Variants in ESF1 observed in about 807,000 individuals in gnomAD.
ESF1 encodes the protein ESF1 homolog.
Under a neutral mutation model 92.0 loss-of-function variants are expected in ESF1, and 58 were observed. The ratio of observed to expected loss-of-function variants is 0.63; its 90% CI spans 0.51 to 0.78. The LOEUF is 0.78. ESF1 is among the 30% of genes least tolerant of loss of function. The probability of loss-of-function intolerance (pLI) is 0.00; values close to 1 mark genes in which losing one functional copy is unlikely to be tolerated. For synonymous variants in ESF1, 321 were observed against 313.7 expected (o/e 1.02, Z -0.24); for missense variants, 922 against 989.1 (o/e 0.93, Z 0.91).
chr20:13,771,310 G>C, intron 6 of ESF1, 21 bp downstream of exon 6: 1 of 1,594,926 alleles, frequency 6.3e-7, no homozygotes, highest in Non-Finnish European at 8.6e-7. Flanking sequence ...GATTAAATTG[G>C]TAATACATAC....
At chr20:13,748,497 C>CAT (rs1555823520) in intron 9 of ESF1, among the ~76,000 whole-genome samples, 2,031 of 137,358 alleles carry the variant, frequency 0.015, 41 homozygotes, top group African/African-American at 0.035. Context: ...CATATATATA[C>CAT]ATATATACAC....
At chr20:13,754,199 C>T (rs911932901) in intron 9 of ESF1, among the ~76,000 whole-genome samples, 5 of 152,220 alleles carry the variant, frequency 3.3e-5, no homozygotes, top group African/African-American at 9.6e-5. Context: ...GAGCTTCACA[C>T]TGCTAAATCC....
chr20:13,720,709 A>G (rs1241867828), intron 11 of ESF1, among the ~76,000 whole-genome samples: 1 of 152,230 alleles, frequency 6.6e-6, no homozygotes, highest in African/African-American at 2.4e-5. Context: ...TTTATGATAT[A>G]CCATAAAAGT....
chr20:13,775,028 C>T lies in ESF1; in HGVS notation c.1149+129G>A, dbSNP rs995822277. On this transcript the variant is annotated intron_variant, in intron 4 of 13. Coordinates refer to ENST00000617257, the MANE Select transcript of ESF1 (RefSeq NM_001276380.2). ...TTATACCTGTTACATAAGTTTCACA[C>T]TCAATTGGATTGGACAACTTCCACA... is the stretch of plus-strand genomic sequence containing the variant. The T allele has an allele frequency of 1.7e-5, 10 of 587,140 alleles. No homozygotes were observed. In the Admixed American group the frequency reaches 2.3e-4, roughly 14 times the overall value. 36.4% of individuals were successfully genotyped at this position (587,140 alleles called of 1,614,324 possible). A position where few individuals can be genotyped will look rare whatever the true frequency, so the allele number is the denominator to read the frequency against.
intron 10 of ESF1, among the ~76,000 whole-genome samples, chr20:13,729,665 T>C (rs2049928635): frequency 6.6e-6 from 1 of 152,212 alleles, no homozygotes; most frequent in Non-Finnish European, 1.5e-5. Context: ...ATTTTTATTA[T>C]GAAAATCTAA....
At chr20:13,783,400 T>C (rs1268972967) in intron 1 of ESF1, among the ~76,000 whole-genome samples, 1 of 152,238 alleles carries the variant, frequency 6.6e-6, no homozygotes, top group Non-Finnish European at 1.5e-5. Flanking sequence ...ACAGATCATT[T>C]AGAGAAATAA....
At chr20:13,764,623 C>A (rs1338348415) in intron 8 of ESF1, among the ~76,000 whole-genome samples, 1 of 152,094 alleles carries the variant, frequency 6.6e-6, no homozygotes, top group East Asian at 1.9e-4. Flanking sequence ...ATGTATTATA[C>A]ACTGTATTCT....
chr20:13,734,479 A>G (rs1210403221), intron 9 of ESF1, among the ~76,000 whole-genome samples: 2 of 152,172 alleles, frequency 1.3e-5, no homozygotes, highest in African/African-American at 4.8e-5. Flanking sequence ...AGCTCTTTCA[A>G]TGCTGCTATT....
At position 13,745,870 on chromosome 20, in the gene ESF1, A is replaced by T. The variant is rs574297181; in HGVS notation, c.1829-12028T>A. On this transcript the variant is annotated intron_variant, in intron 9 of 13. Coordinates refer to ENST00000617257, the MANE Select transcript of ESF1 (RefSeq NM_001276380.2). ...TAGGAATAGATGTATCTGCGGTAAAACTATATAGAAAAGAAAAAGAATGAC... is the reference window on the plus strand; with the variant it reads ...TAGGAATAGATGTATCTGCGGTAAATCTATATAGAAAAGAAAAAGAATGAC... Among the ~76,000 whole-genome samples, 3 of 152,232 alleles carry T rather than the reference A, an allele frequency of 2.0e-5. No individual in the cohort carries two copies. In the South Asian group the frequency reaches 6.2e-4, roughly 32 times the overall value.
intron 9 of ESF1, among the ~76,000 whole-genome samples, chr20:13,743,689 A>C (rs2050029958): frequency 6.6e-6 from 1 of 152,198 alleles, no homozygotes; most frequent in East Asian, 1.9e-4. Flanking sequence ...ACTCAGAAGC[A>C]AAGAGTAAAA....
chr20:13,738,049 G>A (rs2049986917), intron 9 of ESF1, among the ~76,000 whole-genome samples: 1 of 152,158 alleles, frequency 6.6e-6, no homozygotes. Context: ...CCACCCCAAT[G>A]GTGTAGGGAG....
At chr20:13,753,570 C>G (rs1978737816) in intron 9 of ESF1, among the ~76,000 whole-genome samples, 1 of 151,846 alleles carries the variant, frequency 6.6e-6, no homozygotes, top group Admixed American at 6.6e-5. Context: ...CCACTCTTTC[C>G]AATACTCCTG....
Position 13,738,758 on chromosome 20 carries a change from C to CAT in ESF1, c.1829-4918_1829-4917dup, listed in dbSNP as rs533480087. 9.0e-4 allele frequency among the ~76,000 whole-genome samples: 137 copies of CAT among 152,272 alleles called. 1 individual carries two copies. The highest frequency in any genetic ancestry group is 1.2e-3 in the Non-Finnish European group (83 of 68,022). ...TTGCAAGCTCCATGAGGGCAAAGGT[C>CAT]ATAGCCTGTTTTTCTCTTGCTGGTA... On this transcript the variant is annotated intron_variant, in intron 9 of 13. Coordinates refer to ENST00000617257, the MANE Select transcript of ESF1 (RefSeq NM_001276380.2).
Position 13,716,098 on chromosome 20 carries a change from T to G in ESF1, c.2263-931A>C, listed in dbSNP as rs907366598. ...GCCCCCAAATCCTTCTATATGCTAC[T>G]TAGAAGCCATCTGTATGCTACCCTC... On this transcript the variant is annotated intron_variant, in intron 13 of 13. Coordinates refer to ENST00000617257, the MANE Select transcript of ESF1 (RefSeq NM_001276380.2). 2.8e-4 allele frequency among the ~76,000 whole-genome samples: 43 copies of G among 152,312 alleles called. No homozygotes were observed. The Middle Eastern group carries it at 0.01, about 36-fold the overall frequency.
chr20:13,759,788 G>T lies in ESF1; in HGVS notation c.1732C>A (p.Gln578Lys). The T allele has an allele frequency of 6.3e-7, 1 of 1,589,076 alleles. No individual in the cohort carries two copies. The highest frequency in any genetic ancestry group is 1.8e-5 in the Admixed American group (1 of 54,168). ...TKKSQKDDEEQIAKYRQLLQV... is the reference protein window; with the variant it reads ...TKKSQKDDEEKIAKYRQLLQV... ...AAGAGCTGCCTGTATTTAGCAATTT[G>T]TTCTTCATCATCCTTCTGACTTTTC... The change falls in exon 9 of 14, where the codon CAA becomes AAA. Residue 578 changes from glutamine (Q) to lysine (K), a missense_variant. Gln to Lys is a moderately conservative substitution (Grantham distance 53). Coordinates refer to ENST00000617257, the MANE Select transcript of ESF1 (RefSeq NM_001276380.2).
chr20:13,723,361 T>C (rs1236033906), intron 11 of ESF1, among the ~76,000 whole-genome samples: 1 of 152,056 alleles, frequency 6.6e-6, no homozygotes. Flanking sequence ...TACCACATTC[T>C]GGTGCTGCTT....
At chr20:13,775,383 T>C in intron 3 of ESF1, 113 bp from the exon 4 acceptor site, 1 of 640,258 alleles carries the variant, frequency 1.6e-6, no homozygotes, top group Admixed American at 3.0e-5. Flanking sequence ...AAATTAATAG[T>C]ACAGGAGTTA....
intron 9 of ESF1, among the ~76,000 whole-genome samples, chr20:13,756,782 T>TTC (rs1189127171): frequency 6.6e-6 from 1 of 152,204 alleles, no homozygotes; most frequent in Non-Finnish European, 1.5e-5. Flanking sequence ...AGGCATCAGC[T>TTC]TCTCATTGTG....
chr20:13,719,704 A>G (rs75951942), intron 11 of ESF1, among the ~76,000 whole-genome samples: 1,789 of 152,246 alleles, frequency 0.012, 43 homozygotes, highest in African/African-American at 0.041. Context: ...ACAAGGGAAC[A>G]GCTACTGTAT....
Sources: gnomAD v4.1 joint callset for allele counts (sites outside exome capture counted in the v4.1 genomes callset) on GRCh38, gnomAD v4.1.1 for gene constraint, MANE v1.5 for transcripts, NCBI Gene and HGNC (gene_info 2026-07-23, HGNC 2026-07-21) for gene names.